Variants in TRPV4 observed in about 807,000 individuals in gnomAD.
TRPV4 encodes the protein OSM9-like transient receptor potential channel 4.
A neutral mutation model predicts 84.1 loss-of-function variants in TRPV4; 58 were observed. That is an observed-to-expected ratio of 0.69 (90% confidence interval 0.56 to 0.86). The LOEUF (loss-of-function observed/expected upper bound fraction) is 0.86, where lower values mean the gene tolerates loss of function less well. Among genes scored for constraint, TRPV4 ranks in the 40% least tolerant of loss-of-function variants. The pLI is 0.00. For synonymous variants in TRPV4, 489 were observed against 500.9 expected, an observed-to-expected ratio of 0.98 and a Z score of 0.32; for missense variants, 879 against 1,181.1, an observed-to-expected ratio of 0.74 and a Z score of 3.75.
chr12:109,817,165 T>G (rs11068434), intron 1 of TRPV4, among the ~76,000 whole-genome samples: 37,068 of 152,030 alleles, frequency 0.24, 5,726 homozygotes, highest in East Asian at 0.7. Flanking sequence ...ATTTGGGCTT[T>G]GCTCTGCAGG....
intron 5 of TRPV4, among the ~76,000 whole-genome samples, chr12:109,799,650 G>A (rs1263313741): frequency 6.6e-6 from 1 of 152,246 alleles, no homozygotes; most frequent in Non-Finnish European, 1.5e-5. Flanking sequence ...TGACATCACA[G>A]CCCAAGGGCC....
intron 2 of TRPV4, among the ~76,000 whole-genome samples, chr12:109,812,980 AATGGATGG>A (rs761607096): frequency 1.3e-5 from 2 of 152,044 alleles, no homozygotes; most frequent in Non-Finnish European, 2.9e-5. Context: ...TAGATGGATA[AATGGATGG>A]ATGGATGGAT....
chr12:109,798,614 C>A lies in TRPV4; in HGVS notation c.1152G>T (p.Gly384=), dbSNP rs1890566293. The A allele has an allele frequency of 1.2e-6, 2 of 1,611,060 alleles. No homozygotes were observed. Among genetic ancestry groups the A allele is most frequent in the South Asian group, 1.1e-5 (1 of 91,078 alleles). Residue 384 remains glycine (G), a splice_region_variant and synonymous_variant, in exon 6 of 16, where the codon GGG becomes GGT. Transcript: ENST00000261740. The surrounding 1 kb of genome is among the most constrained non-coding windows in gnomAD (Gnocchi z 5.0). ...LMMAAKTGKI[G]IFQHIIRREV... The stretch of plus-strand genomic sequence containing the variant: ...GCTGTGCCCCCAGCCGCACACTCAC[C>A]CCAATCTTGCCCGTCTTGGCAGCCA...
At chr12:109,823,368 C>A (rs1378276440) in intron 1 of TRPV4, among the ~76,000 whole-genome samples, 1 of 152,216 alleles carries the variant, frequency 6.6e-6, no homozygotes, top group Non-Finnish European at 1.5e-5. Context: ...GCAAGGCCAG[C>A]GTGGCCACGG....
At chr12:109,785,321 A>G (rs530517328) in intron 14 of TRPV4, among the ~76,000 whole-genome samples, 1 of 151,780 alleles carries the variant, frequency 6.6e-6, no homozygotes, top group Admixed American at 6.6e-5. Flanking sequence ...ATAATATTTC[A>G]CTGTACACAT....
chr12:109,816,367 G>A (rs571060466), intron 1 of TRPV4, among the ~76,000 whole-genome samples: 3 of 152,300 alleles, frequency 2.0e-5, no homozygotes, highest in Admixed American at 6.5e-5. Flanking sequence ...AGTTACTTGA[G>A]CTCCCCAAGC....
At chr12:109,807,210 A>T (rs996921989) in intron 3 of TRPV4, among the ~76,000 whole-genome samples, 5 of 148,490 alleles carry the variant, frequency 3.4e-5, no homozygotes, top group African/African-American at 1.2e-4. Flanking sequence ...CAGGAGGCGG[A>T]GGTTGCAGTG....
intron 14 of TRPV4, among the ~76,000 whole-genome samples, chr12:109,785,420 TTTTG>T (rs1297724908): frequency 3.3e-5 from 5 of 151,978 alleles, no homozygotes; most frequent in African/African-American, 9.7e-5. Context: ...ATCTATTCAT[TTTTG>T]TTTGTTTGTT....
chr12:109,790,497 GA>G (rs1199649499), intron 12 of TRPV4, among the ~76,000 whole-genome samples: 7 of 152,228 alleles, frequency 4.6e-5, no homozygotes, highest in Admixed American at 4.6e-4. Context: ...TGGGCTTTAA[GA>G]AAATACCTGG....
rs1056876646 is a variant in TRPV4 at position 109,793,767 on chromosome 12, C to T, written c.1584+163G>A. On this transcript the variant is annotated intron_variant, in intron 9 of 15. Transcript: ENST00000261740. This position sits in a 1 kb window ranked among gnomAD's most constrained non-coding sequence, Gnocchi z 4.0. ...AGGAGAAAAAAGCAGAGATGGAGAA[C>T]GTGGGATTGGAGGAGGTAGAAGAGA... is the stretch of plus-strand genomic sequence containing the variant. Among the ~76,000 whole-genome samples, 20 of 150,546 alleles carry T rather than the reference C, an allele frequency of 1.3e-4. No individual in the cohort carries two copies. Among genetic ancestry groups the T allele is most frequent in the African/African-American group, 4.4e-4 (18 of 40,792 alleles).
chr12:109,812,037 G>A lies in TRPV4; in HGVS notation c.386+2374C>T, dbSNP rs1467305253. ...TGCTCCCTCCTCCAAACTGCCAAAA[G>A]CTTGTGGAAGTCCCTGGGCTTCCTA... On this transcript the variant is annotated intron_variant, in intron 2 of 15. Transcript: ENST00000261740. Among the ~76,000 whole-genome samples, 7 of 152,328 alleles carry A rather than the reference G, an allele frequency of 4.6e-5. No individual in the cohort carries two copies. The East Asian group carries it at 1.2e-3, about 25-fold the overall frequency.
In TRPV4 at chr12:109,814,726, C is replaced by T; in HGVS notation, c.71G>A (p.Gly24Asp). The T allele has an allele frequency of 6.3e-7, 1 of 1,597,140 alleles. No homozygotes were observed. The highest frequency in any genetic ancestry group is 8.5e-7 in the Non-Finnish European group (1 of 1,172,860). The change falls in exon 2 of 16, where the codon GGC becomes GAC. Residue 24 changes from glycine to aspartate, a missense_variant. Physicochemically the swap from Gly to Asp is moderately conservative, Grantham distance 94. Transcript: ENST00000261740. The surrounding 1 kb of genome is among the most constrained non-coding windows in gnomAD (Gnocchi z 5.4). ...EVAELPGDES[G>D]TPGGEAFPLS... Reference sequence around the variant, plus strand: ...AGGAAAAGCCTCCCCACCTGGGGTGCCACTCTCATCCCCGGGGAGCTCAGC... The same window carrying T: ...AGGAAAAGCCTCCCCACCTGGGGTGTCACTCTCATCCCCGGGGAGCTCAGC...
chr12:109,824,153 CG>C (rs954656991), intron 1 of TRPV4, among the ~76,000 whole-genome samples: 4 of 151,932 alleles, frequency 2.6e-5, no homozygotes, highest in African/African-American at 9.7e-5. Context: ...TTAGTAGAGA[CG>C]GGGTTTCACC....
Position 109,824,412 on chromosome 12 carries a change from C to T in TRPV4, c.-32+8938G>A, listed in dbSNP as rs998103952. 3.0e-4 allele frequency among the ~76,000 whole-genome samples: 45 copies of T among 152,166 alleles called. 1 individual carries two copies. Among genetic ancestry groups the T allele is most frequent in the Non-Finnish European group, 2.8e-4 (19 of 68,010 alleles). On this transcript the variant is annotated intron_variant, in intron 1 of 15. Coordinates refer to ENST00000261740, the MANE Select transcript of TRPV4 (RefSeq NM_021625.5). ...CAGGATTCCACCCTCTCAGCCAGCC[C>T]TGCTTGAGAACATGCTACTCAGCTC...
intron 12 of TRPV4, among the ~76,000 whole-genome samples, chr12:109,788,949 ATCTC>A (rs747965800): frequency 1.4e-4 from 21 of 151,326 alleles, no homozygotes; most frequent in South Asian, 6.2e-4. Flanking sequence ...GGAAGAGGTT[ATCTC>A]TCTCTCTCTC....
At chr12:109,806,558 T>C (rs1891144078) in intron 3 of TRPV4, among the ~76,000 whole-genome samples, 1 of 150,812 alleles carries the variant, frequency 6.6e-6, no homozygotes, top group South Asian at 2.1e-4. Flanking sequence ...TGTTTCAGGG[T>C]AAGAATGAGG....
intron 1 of TRPV4, among the ~76,000 whole-genome samples, chr12:109,819,328 A>G (rs1265149772): frequency 6.6e-6 from 1 of 151,938 alleles, no homozygotes; most frequent in Non-Finnish European, 1.5e-5. Flanking sequence ...TGTCATGTAC[A>G]TTTCTTCCCA....
Position 109,798,485 on chromosome 12 carries a change from G to A in TRPV4, c.1152+129C>T, listed in dbSNP as rs545899127. The A allele has an allele frequency of 5.3e-4, 638 of 1,201,090 alleles. 3 individuals carry two copies. The African/African-American group carries it at 8.6e-3, about 16-fold the overall frequency. The allele number at this position is 1,201,090 out of a possible 1,614,324, so 74.4% of individuals were successfully genotyped here. A position where few individuals can be genotyped will look rare whatever the true frequency, so the allele number is the denominator to read the frequency against. On this transcript the variant is annotated intron_variant, in intron 6 of 15. Coordinates refer to ENST00000261740, the MANE Select transcript of TRPV4 (RefSeq NM_021625.5). This position sits in a 1 kb window ranked among gnomAD's most constrained non-coding sequence, Gnocchi z 5.0. The stretch of plus-strand genomic sequence containing the variant: ...AGCAGGTTCTTGAGCTGGGACATCT[G>A]CACACTGGGGTTGGCATGTTGGGAG...
chr12:109,827,552 AACACAC>A (rs79477384), intron 1 of TRPV4, among the ~76,000 whole-genome samples: 1 of 150,412 alleles, frequency 6.6e-6, no homozygotes, highest in Admixed American at 6.6e-5. Flanking sequence ...ACCCTCCATA[AACACAC>A]ACACACACAC....
Sources: gnomAD v4.1 joint callset for allele counts (sites outside exome capture counted in the v4.1 genomes callset) on GRCh38, gnomAD v4.1.1 for gene constraint, Gnocchi (gnomAD v3.1) non-coding constraint, MANE v1.5 for transcripts, NCBI Gene and HGNC (gene_info 2026-07-23, HGNC 2026-07-21) for gene names.